The following CDH13 variants were observed in gnomAD, a reference collection of about 807,000 sequenced individuals.
The protein encoded by CDH13 is cadherin-13.
In CDH13, 24 loss-of-function variants were observed where a neutral mutation model predicts 63.8. The observed-to-expected ratio is 0.38, with a 90% CI of 0.27 to 0.53. The LOEUF (loss-of-function observed/expected upper bound fraction) is 0.53, where lower values mean the gene tolerates loss of function less well. CDH13 is among the 20% of genes least tolerant of loss of function. The probability of loss-of-function intolerance (pLI) is 0.85; values close to 1 mark genes in which losing one functional copy is unlikely to be tolerated. For missense variants in CDH13, 1,049 were observed against 903.1 expected (o/e 1.16, Z -2.07); for synonymous variants, 503 against 355.3 (o/e 1.42, Z -4.67).
intron 8 of CDH13, among the ~76,000 whole-genome samples, chr16:83,625,260 A>G (rs1910194588): frequency 6.6e-6 from 1 of 152,014 alleles, no homozygotes; most frequent in South Asian, 2.1e-4. Context: ...AGCCAAAATG[A>G]CGGACCCTGT....
At chr16:83,576,139 C>T (rs1261443918) in intron 7 of CDH13, among the ~76,000 whole-genome samples, 1 of 152,190 alleles carries the variant, frequency 6.6e-6, no homozygotes, top group African/African-American at 2.4e-5. Context: ...AACTCCAGAG[C>T]CATTAAGTAG....
intron 2 of CDH13, among the ~76,000 whole-genome samples, chr16:82,961,595 A>AAG (rs1402029880): frequency 2.0e-5 from 3 of 151,034 alleles, no homozygotes; most frequent in African/African-American, 7.3e-5. Context: ...AAAAAAAAAA[A>AAG]ACTACTGGTA....
At chr16:82,808,622 A>T (rs940049243) in intron 1 of CDH13, among the ~76,000 whole-genome samples, 2 of 152,152 alleles carry the variant, frequency 1.3e-5, no homozygotes, top group African/African-American at 4.8e-5. Context: ...ATTTTTTCAT[A>T]AGATGATGTT....
At chr16:83,576,496 G>C (rs991533732) in intron 7 of CDH13, among the ~76,000 whole-genome samples, 3 of 152,162 alleles carry the variant, frequency 2.0e-5, no homozygotes, top group East Asian at 1.9e-4. Flanking sequence ...TTGAGTGCCT[G>C]TTTCTAATTC....
chr16:82,783,245 A>G (rs1259559156), intron 1 of CDH13, among the ~76,000 whole-genome samples: 1 of 152,174 alleles, frequency 6.6e-6, no homozygotes, highest in Admixed American at 6.5e-5. Flanking sequence ...AAGCTCCGTG[A>G]ACAGGTGCTC....
intron 6 of CDH13, among the ~76,000 whole-genome samples, chr16:83,391,869 A>G (rs1371943916): frequency 6.6e-6 from 1 of 152,180 alleles, no homozygotes; most frequent in Non-Finnish European, 1.5e-5. Flanking sequence ...GTACGAAAAT[A>G]TTTGGGGTTT....
intron 3 of CDH13, among the ~76,000 whole-genome samples, chr16:83,065,205 G>A (rs1042190226): frequency 6.6e-6 from 1 of 152,186 alleles, no homozygotes; most frequent in African/African-American, 2.4e-5. Context: ...GATTCTAGAA[G>A]TTATCCCTGA....
At chr16:83,004,873 C>A (rs1252023800) in intron 2 of CDH13, among the ~76,000 whole-genome samples, 1 of 152,164 alleles carries the variant, frequency 6.6e-6, no homozygotes, top group African/African-American at 2.4e-5. Flanking sequence ...CTTTGTGATT[C>A]CAAGTAGCAT....
chr16:83,060,121 T>C (rs1320076327), intron 3 of CDH13, among the ~76,000 whole-genome samples: 1 of 152,064 alleles, frequency 6.6e-6, no homozygotes, highest in Non-Finnish European at 1.5e-5. Flanking sequence ...ACCCAAAAGC[T>C]CTATGGCTTC....
intron 6 of CDH13, among the ~76,000 whole-genome samples, chr16:83,356,465 A>G (rs1414811030): frequency 6.6e-6 from 1 of 152,152 alleles, no homozygotes; most frequent in Non-Finnish European, 1.5e-5. Context: ...CAGTCAAGAC[A>G]GGCCACAAAT....
chr16:83,269,002 A>G (rs1478158033), intron 5 of CDH13, among the ~76,000 whole-genome samples: 3 of 152,214 alleles, frequency 2.0e-5, no homozygotes, highest in Non-Finnish European at 4.4e-5. Flanking sequence ...TGACCAGACA[A>G]CTTGCTCAGC....
At chr16:83,242,643 C>G (rs546425701) in intron 5 of CDH13, among the ~76,000 whole-genome samples, 1 of 152,280 alleles carries the variant, frequency 6.6e-6, no homozygotes, top group African/African-American at 2.4e-5. Flanking sequence ...AGAAGATCCT[C>G]ATAGAAGAGG....
chr16:82,957,099 C>G (rs940775564), intron 2 of CDH13, among the ~76,000 whole-genome samples: 10 of 152,132 alleles, frequency 6.6e-5, no homozygotes, highest in Non-Finnish European at 1.5e-4. Context: ...CCAGACAACT[C>G]ACCACCACAT....
chr16:82,638,823 T>TGCGTGTGTGTGTGTGTGTGCGCGCGC (rs1555527483), intron 1 of CDH13, among the ~76,000 whole-genome samples: 4 of 150,790 alleles, frequency 2.7e-5, no homozygotes, highest in African/African-American at 9.8e-5. Context: ...GGGCAGTGTG[T>TGCGTGTGTGTGTGTGTGTGCGCGCGC]GCGTGTGTGC....
chr16:83,171,619 G>T, intron 4 of CDH13: 4 of 1,437,250 alleles, frequency 2.8e-6, no homozygotes, highest in Non-Finnish European at 3.8e-6. Context: ...TCATTTCCTT[G>T]TTTGTGTCTC....
intron 10 of CDH13, among the ~76,000 whole-genome samples, chr16:83,705,705 T>G (rs966866084): frequency 1.3e-5 from 2 of 152,216 alleles, no homozygotes; most frequent in African/African-American, 4.8e-5. Flanking sequence ...CATTTTTCTG[T>G]GCATTTTATC....
At chr16:82,830,345 G>A (rs2038478552) in intron 1 of CDH13, among the ~76,000 whole-genome samples, 1 of 152,212 alleles carries the variant, frequency 6.6e-6, no homozygotes, top group Non-Finnish European at 1.5e-5. Context: ...ACCTGGTGTT[G>A]ACTCTTGAGT....
chr16:83,575,755 G>T (rs975475417), intron 7 of CDH13, among the ~76,000 whole-genome samples: 5 of 152,118 alleles, frequency 3.3e-5, no homozygotes, highest in Non-Finnish European at 5.9e-5. Flanking sequence ...CATTGCACCC[G>T]AACCTCTTCA....
intron 5 of CDH13, among the ~76,000 whole-genome samples, chr16:83,325,571 G>A (rs1227046933): frequency 6.6e-6 from 1 of 152,162 alleles, no homozygotes; most frequent in Non-Finnish European, 1.5e-5. Flanking sequence ...ACATGAATGA[G>A]CATAGCTTTA....
Sources: allele counts gnomAD v4.1 joint callset (sites outside exome capture counted in the v4.1 genomes callset), GRCh38; gene constraint gnomAD v4.1.1; transcripts MANE v1.5; gene names NCBI Gene and HGNC (gene_info 2026-07-23, HGNC 2026-07-21).